The following TEAD1 variants were observed in gnomAD, a reference collection of about 807,000 sequenced individuals.
TEAD1 encodes transcriptional enhancer factor TEF-1.
Under a neutral mutation model 54.9 loss-of-function variants are expected in TEAD1, and 9 were observed. That is an observed-to-expected ratio of 0.16 (90% CI 0.10 to 0.29). The LOEUF (loss-of-function observed/expected upper bound fraction) is 0.29, where lower values mean the gene tolerates loss of function less well. TEAD1 is among the 10% of genes least tolerant of loss of function. The pLI, the probability that TEAD1 is intolerant of heterozygous loss-of-function variation, is 1.00. For missense variants in TEAD1, 387 were observed against 535.9 expected (o/e 0.72, Z 2.74); for synonymous variants, 200 against 187.8 (o/e 1.07, Z -0.53).
At chr11:12,703,174 T>A (rs1304249716) in intron 2 of TEAD1, among the ~76,000 whole-genome samples, 2 of 152,160 alleles carry the variant, frequency 1.3e-5, no homozygotes, top group Non-Finnish European at 2.9e-5. Flanking sequence ...TCAGTATCAG[T>A]GGAGCATAGC....
intron 10 of TEAD1, among the ~76,000 whole-genome samples, chr11:12,923,883 A>G (rs1477922417): frequency 1.3e-5 from 2 of 152,160 alleles, no homozygotes; most frequent in Non-Finnish European, 2.9e-5. Flanking sequence ...CCAATGCATG[A>G]ATTTGGTGGG....
At position 12,896,886 on chromosome 11, in the gene TEAD1, T is replaced by C. The variant is rs79310278; in HGVS notation, c.700-5054T>C. Among the ~76,000 whole-genome samples the C allele has an allele frequency of 9.5e-4, 145 of 152,320 alleles. 5 individuals are homozygous for C. The East Asian group carries it at 0.022, about 24-fold the overall frequency. On this transcript the variant is annotated intron_variant, in intron 9 of 12. Coordinates refer to ENST00000527636, the MANE Select transcript of TEAD1 (RefSeq NM_021961.6). ...AGTGCCTGGCATGTATGATGGATGA[T>C]AGGTGTGCTGGTTCATTCTATTAAA... is the stretch of plus-strand genomic sequence containing the variant.
At chr11:12,780,646 T>C (rs1257064239) in intron 3 of TEAD1, among the ~76,000 whole-genome samples, 2 of 152,172 alleles carry the variant, frequency 1.3e-5, no homozygotes, top group African/African-American at 4.8e-5. Flanking sequence ...GGAATAAATG[T>C]GACAAAAGAG....
chr11:12,819,692 C>T (rs1233047986), intron 3 of TEAD1, among the ~76,000 whole-genome samples: 1 of 151,940 alleles, frequency 6.6e-6, no homozygotes, highest in Non-Finnish European at 1.5e-5. Context: ...ACCTTTTGAT[C>T]CGCCCGCCTC....
intron 2 of TEAD1, among the ~76,000 whole-genome samples, chr11:12,679,226 C>G (rs1219318052): frequency 6.6e-6 from 1 of 152,146 alleles, no homozygotes; most frequent in Non-Finnish European, 1.5e-5. Context: ...GTTACATGCA[C>G]TACACCCACC....
intron 3 of TEAD1, among the ~76,000 whole-genome samples, chr11:12,856,932 C>G (rs1947395589): frequency 6.6e-6 from 1 of 152,182 alleles, no homozygotes; most frequent in African/African-American, 2.4e-5. Context: ...ACTGTTAAAG[C>G]TTGAGTGTCT....
intron 3 of TEAD1, among the ~76,000 whole-genome samples, chr11:12,777,458 T>G (rs555508899): frequency 3.9e-5 from 6 of 152,322 alleles, no homozygotes; most frequent in African/African-American, 1.2e-4. Context: ...AGATGAATGG[T>G]TCTATTACAA....
chr11:12,775,052 A>C (rs892574087), intron 3 of TEAD1, among the ~76,000 whole-genome samples: 1 of 152,228 alleles, frequency 6.6e-6, no homozygotes, highest in Non-Finnish European at 1.5e-5. Context: ...ATCATATTTT[A>C]AAAAAGTAAT....
chr11:12,796,631 G>A (rs1945931621), intron 3 of TEAD1, among the ~76,000 whole-genome samples: 1 of 152,056 alleles, frequency 6.6e-6, no homozygotes, highest in South Asian at 2.1e-4. Flanking sequence ...AGGCTGAGAT[G>A]GGAGGATCAC....
intron 3 of TEAD1, among the ~76,000 whole-genome samples, chr11:12,836,468 G>A (rs1464005818): frequency 6.6e-6 from 1 of 152,014 alleles, no homozygotes; most frequent in African/African-American, 2.4e-5. Flanking sequence ...TGAATAAAGG[G>A]GTCACTTAGT....
chr11:12,722,433 C>T (rs531049016), intron 2 of TEAD1, among the ~76,000 whole-genome samples: 10 of 152,254 alleles, frequency 6.6e-5, no homozygotes, highest in Non-Finnish European at 1.3e-4. Context: ...ATAGGTCATC[C>T]GGTAACATCC....
intron 3 of TEAD1, among the ~76,000 whole-genome samples, chr11:12,842,500 C>G (rs1947061656): frequency 6.6e-6 from 1 of 152,174 alleles, no homozygotes; most frequent in Non-Finnish European, 1.5e-5. Flanking sequence ...CGGAGATACT[C>G]TTAGCCTGTC....
intron 2 of TEAD1, among the ~76,000 whole-genome samples, chr11:12,741,520 T>C (rs571729738): frequency 4.9e-4 from 75 of 152,316 alleles, no homozygotes; most frequent in African/African-American, 1.8e-3. Context: ...AGGTTTAAAA[T>C]AACCCCTTGA....
intron 5 of TEAD1, among the ~76,000 whole-genome samples, chr11:12,877,444 G>C (rs1435032677): frequency 2.0e-5 from 3 of 152,168 alleles, no homozygotes; most frequent in East Asian, 1.9e-4. Context: ...TCTGAGGTCG[G>C]GAGTTCGAGA....
chr11:12,913,100 A>T (rs1948645838), intron 10 of TEAD1, among the ~76,000 whole-genome samples: 2 of 152,198 alleles, frequency 1.3e-5, no homozygotes, highest in Non-Finnish European at 2.9e-5. Flanking sequence ...GGGTGGCTGC[A>T]TATTTTCAGA....
chr11:12,721,554 A>G (rs981804733), intron 2 of TEAD1, among the ~76,000 whole-genome samples: 1 of 152,172 alleles, frequency 6.6e-6, no homozygotes, highest in Non-Finnish European at 1.5e-5. Flanking sequence ...TTGGATGTAG[A>G]TACTCTCTGT....
chr11:12,728,883 T>C (rs1944365462), intron 2 of TEAD1, among the ~76,000 whole-genome samples: 1 of 152,206 alleles, frequency 6.6e-6, no homozygotes, highest in Non-Finnish European at 1.5e-5. Flanking sequence ...TGTAGAAATA[T>C]AAAGGGGTTG....
In TEAD1 at chr11:12,862,005, T is replaced by A. The variant is rs1455139534; in HGVS notation, c.203-245T>A. ...CTGTCTTTTTTTTTTTTTTTTTTTT[T>A]TAAAAAAAAGGATAAATTTCTATTC... On this transcript the variant is annotated intron_variant, in intron 3 of 12. Transcript: ENST00000527636. Among the ~76,000 whole-genome samples, 5 of 136,718 alleles carry A rather than the reference T, an allele frequency of 3.7e-5. No homozygotes were observed. Among genetic ancestry groups the A allele is most frequent in the African/African-American group, 1.1e-4 (4 of 35,278 alleles). 89.7% of individuals were successfully genotyped at this position (136,718 alleles called of 152,430 possible). A position where few individuals can be genotyped will look rare whatever the true frequency, so the allele number is the denominator to read the frequency against.
At chr11:12,777,817 C>G (rs982443596) in intron 3 of TEAD1, among the ~76,000 whole-genome samples, 5 of 152,178 alleles carry the variant, frequency 3.3e-5, no homozygotes, top group Admixed American at 2.6e-4. Flanking sequence ...GAAGCATTCT[C>G]TCAGTCCCCA....
Sources: allele counts gnomAD v4.1 joint callset (sites outside exome capture counted in the v4.1 genomes callset), GRCh38; gene constraint gnomAD v4.1.1; transcripts MANE v1.5; gene names NCBI Gene and HGNC (gene_info 2026-07-23, HGNC 2026-07-21).